PLCD4: variants seen among roughly 807,000 people sequenced by gnomAD.
The protein encoded by PLCD4 is phospholipase C delta 4.
PLCD4 carries 63 observed loss-of-function variants against 90.2 expected under a neutral mutation model. The observed-to-expected ratio is 0.70, with a 90% CI of 0.57 to 0.86. PLCD4 has a LOEUF of 0.86. Ranked by LOEUF, PLCD4 falls within the 40% of genes least tolerant of loss-of-function variation. The probability of loss-of-function intolerance (pLI) is 0.00; values close to 1 mark genes in which losing one functional copy is unlikely to be tolerated. For synonymous variants in PLCD4, 294 were observed against 356.5 expected (o/e 0.82, Z 1.97); for missense variants, 830 against 956.3 (o/e 0.87, Z 1.74).
intron 6 of PLCD4, among the ~76,000 whole-genome samples, chr2:218,623,602 G>A (rs1382195483): frequency 6.6e-6 from 1 of 152,172 alleles, no homozygotes; most frequent in Non-Finnish European, 1.5e-5. Context: ...GTACAACTTT[G>A]CAAATCAACA....
chr2:218,619,450 C>T lies in PLCD4; in HGVS notation c.410+643C>T, dbSNP rs559908477. 2.6e-5 allele frequency among the ~76,000 whole-genome samples: 4 copies of T among 152,046 alleles called. 1 individual carries two copies. The highest frequency in any genetic ancestry group is 2.1e-4 in the South Asian group (1 of 4,796). ...CTGGGACTACAGGTGCATGCCACCA[C>T]GCCCAGCTAATTTTTGTATTTTTTT... On this transcript the variant is annotated intron_variant, in intron 4 of 15. Coordinates refer to ENST00000450993, the MANE Select transcript of PLCD4 (RefSeq NM_032726.4).
chr2:218,625,388 C>T (rs832799), intron 6 of PLCD4, among the ~76,000 whole-genome samples: 1 of 151,854 alleles, frequency 6.6e-6, no homozygotes, highest in Non-Finnish European at 1.5e-5. Context: ...GTTTCGACCC[C>T]GACCCCTCTT....
chr2:218,632,919 G>T (rs1181374923), intron 10 of PLCD4, among the ~76,000 whole-genome samples: 2 of 152,160 alleles, frequency 1.3e-5, no homozygotes, highest in East Asian at 3.9e-4. Flanking sequence ...GGGGAAGGGA[G>T]GCAGAGGGAG....
chr2:218,621,365 G>C, intron 4 of PLCD4, 105 bp from the exon 5 acceptor site: 1 of 1,346,276 alleles, frequency 7.4e-7, no homozygotes, highest in Non-Finnish European at 1.0e-6. Flanking sequence ...ACCGGGGAGA[G>C]AGACTGGCAG....
intron 1 of PLCD4, among the ~76,000 whole-genome samples, chr2:218,613,446 T>TA (rs61180101): frequency 3.3e-5 from 5 of 149,800 alleles, no homozygotes; most frequent in African/African-American, 1.2e-4. Context: ...AGATACCCTT[T>TA]AAAAAAAAGA....
intron 7 of PLCD4, 33 bp from the exon 8 acceptor site, chr2:218,629,481 ACCTCT>A: frequency 6.3e-7 from 1 of 1,596,364 alleles, no homozygotes. Context: ...TCAGATATTG[ACCTCT>A]CCTATTTCTC....
At chr2:218,613,969 C>T (rs1238749984) in intron 1 of PLCD4, among the ~76,000 whole-genome samples, 1 of 152,018 alleles carries the variant, frequency 6.6e-6, no homozygotes, top group Non-Finnish European at 1.5e-5. Flanking sequence ...ACTAGGACAA[C>T]TTAACCAGGT....
chr2:218,610,507 CA>C (rs35463933), intron 1 of PLCD4, among the ~76,000 whole-genome samples: 6,188 of 147,708 alleles, frequency 0.042, 166 homozygotes, highest in East Asian at 0.12. Context: ...CACTCCGTCT[CA>C]AAAAAAAATA....
intron 5 of PLCD4, 59 bp downstream of exon 5, chr2:218,621,658 A>G: frequency 6.2e-7 from 1 of 1,602,796 alleles, no homozygotes; most frequent in Non-Finnish European, 8.5e-7. Context: ...ATTTGGCCAG[A>G]AGTCCTCTGA....
intron 13 of PLCD4, among the ~76,000 whole-genome samples, chr2:218,635,498 C>T (rs1696675004): frequency 6.6e-6 from 1 of 152,060 alleles, no homozygotes; most frequent in African/African-American, 2.4e-5. Context: ...GCCACCATGC[C>T]TGGCTAATTT....
At chr2:218,612,764 C>G (rs1270485109) in intron 1 of PLCD4, among the ~76,000 whole-genome samples, 1 of 151,910 alleles carries the variant, frequency 6.6e-6, no homozygotes, top group Non-Finnish European at 1.5e-5. Flanking sequence ...GAGCAAGACT[C>G]CATCTCAAAA....
At position 218,634,178 on chromosome 2, in the gene PLCD4, CA is replaced by C; in HGVS notation, c.1682del (p.Asn561ThrfsTer17). The C allele has an allele frequency of 6.2e-7, 1 of 1,612,126 alleles. No individual in the cohort carries two copies. Among genetic ancestry groups the C allele is most frequent in the Non-Finnish European group, 8.5e-7 (1 of 1,179,124 alleles). On this transcript the variant is annotated frameshift_variant, in exon 12 of 16. Transcript: ENST00000450993. LOFTEE classifies it high-confidence loss of function. The surrounding 1 kb of genome is among the most constrained non-coding windows in gnomAD (Gnocchi z 4.0). ...YPSGLRTDSS[N>X]YNPQELWNAG... ...CCAGCGGCCTGAGGACAGACTCTTC[CA>C]ACTACAACCCCCAGGAACTCTGGAA... is the stretch of plus-strand genomic sequence containing the variant.
intron 1 of PLCD4, among the ~76,000 whole-genome samples, chr2:218,615,436 G>A (rs1247582457): frequency 6.6e-6 from 1 of 152,138 alleles, no homozygotes. Flanking sequence ...TGAGCAAAAT[G>A]TGGCACTAGT....
At chr2:218,622,552 G>A (rs967273806) in intron 5 of PLCD4, 95 bp from the exon 6 acceptor site, 4 of 719,724 alleles carry the variant, frequency 5.6e-6, no homozygotes, top group South Asian at 4.5e-5. Context: ...CACCTACTAT[G>A]TACCCAGAAA....
At chr2:218,631,770 C>T (rs753564597) in intron 9 of PLCD4, among the ~76,000 whole-genome samples, 12 of 146,788 alleles carry the variant, frequency 8.2e-5, no homozygotes, top group Non-Finnish European at 1.5e-4. Context: ...CCAGCCCGGG[C>T]GACAGTGCGA....
chr2:218,629,747 G>C, intron 8 of PLCD4, 84 bp downstream of exon 8: 2 of 1,441,878 alleles, frequency 1.4e-6, no homozygotes, highest in Non-Finnish European at 1.9e-6. Context: ...GAGGGTGGAG[G>C]AGTACAGGGG....
intron 3 of PLCD4, among the ~76,000 whole-genome samples, chr2:218,617,452 C>G (rs1382502286): frequency 6.6e-6 from 1 of 151,476 alleles, no homozygotes; most frequent in African/African-American, 2.4e-5. Context: ...TGGCGCGCAC[C>G]TGTAGTCCCA....
intron 9 of PLCD4, 83 bp from the exon 10 acceptor site, chr2:218,632,052 CT>C: frequency 7.0e-7 from 1 of 1,423,418 alleles, no homozygotes; most frequent in Non-Finnish European, 9.3e-7. Flanking sequence ...CTTCCTCTGC[CT>C]TTGAGAACAA....
At position 218,616,038 on chromosome 2, in the gene PLCD4, GC is replaced by G. The variant is rs1695564390; in HGVS notation, c.159del (p.Arg54GlyfsTer51). The G allele has an allele frequency of 1.9e-6, 3 of 1,613,786 alleles. No individual in the cohort carries two copies. The highest frequency in any genetic ancestry group is 2.5e-6 in the Non-Finnish European group (3 of 1,179,890). ...CATGACAGTCTGGCATGCACGGCAG[GC>G]CAGGGGCAGTGCCAAGCCCAGCTGT... Reference protein sequence around the residue: ...DGMTVWHARQARGSAKPSFSI... With the variant: ...DGMTVWHARQXRGSAKPSFSI... On this transcript the variant is annotated frameshift_variant, in exon 3 of 16. Coordinates refer to ENST00000450993, the MANE Select transcript of PLCD4 (RefSeq NM_032726.4). LOFTEE classifies it high-confidence loss of function.
Sources: gnomAD v4.1 joint callset for allele counts (sites outside exome capture counted in the v4.1 genomes callset) on GRCh38, gnomAD v4.1.1 for gene constraint, Gnocchi (gnomAD v3.1) non-coding constraint, MANE v1.5 for transcripts, NCBI Gene and HGNC (gene_info 2026-07-23, HGNC 2026-07-21) for gene names.